The following ANK3 variants were observed in gnomAD, a reference collection of about 807,000 sequenced individuals.
ANK3 encodes the protein ankyrin-3.
A neutral mutation model predicts 370.9 loss-of-function variants in ANK3; 57 were observed. The ratio of observed to expected loss-of-function variants is 0.15; its 90% CI spans 0.12 to 0.19. The LOEUF (loss-of-function observed/expected upper bound fraction) is 0.19. ANK3 is among the 10% of genes least tolerant of loss of function. ANK3 has a pLI of 1.00. For synonymous variants in ANK3, 1,929 were observed against 1,946.3 expected (o/e 0.99, Z 0.23); for missense variants, 4,439 against 5,302.1 (o/e 0.84, Z 5.06).
intron 2 of ANK3, among the ~76,000 whole-genome samples, chr10:60,529,938 C>T (rs1234279892): frequency 1.3e-5 from 2 of 152,162 alleles, no homozygotes; most frequent in African/African-American, 4.8e-5. Flanking sequence ...GGAGGGAATT[C>T]TCAAAAGGCA....
intron 1 of ANK3, among the ~76,000 whole-genome samples, chr10:60,643,430 C>G (rs1373471974): frequency 6.6e-6 from 1 of 152,104 alleles, no homozygotes; most frequent in Non-Finnish European, 1.5e-5. Flanking sequence ...CTACTTGCTC[C>G]ACAAGCTTGC....
chr10:60,163,419 T>C (rs2095546098), intron 23 of ANK3, among the ~76,000 whole-genome samples: 1 of 152,194 alleles, frequency 6.6e-6, no homozygotes, highest in South Asian at 2.1e-4. Context: ...CGGCTCTGCT[T>C]TGCTGATGCT....
chr10:60,338,781 TTTCCCCCATAGCGGGAGTTTA>T (rs1453542826), intron 1 of ANK3, among the ~76,000 whole-genome samples: 1 of 152,200 alleles, frequency 6.6e-6, no homozygotes, highest in Non-Finnish European at 1.5e-5. Flanking sequence ...CCTAGAATCT[TTTCCCCCATAGCGGGAGTTTA>T]ATCCCACATC....
At chr10:60,089,434 CCT>C (rs1484670641) in intron 28 of ANK3, among the ~76,000 whole-genome samples, 1 of 150,920 alleles carries the variant, frequency 6.6e-6, no homozygotes, top group African/African-American at 2.4e-5. Context: ...AACCAACTCA[CCT>C]CTCTCACTCC....
intron 1 of ANK3, among the ~76,000 whole-genome samples, chr10:60,723,034 AACT>A (rs912499152): frequency 5.9e-5 from 9 of 152,228 alleles, no homozygotes; most frequent in African/African-American, 2.2e-4. Context: ...TCAATGGAAA[AACT>A]ACTACATTGA....
rs2072466930 is a variant in ANK3 at position 60,027,596 on chromosome 10, C to T, written c.*2250G>A. On this transcript the variant is annotated 3_prime_UTR_variant, in exon 44 of 44. Transcript: ENST00000280772. ...AAGGATCATTACCATCAAAGAAAGACAGTACCTAATTCATAAAGTAGATAT... is the reference window on the plus strand; with the variant it reads ...AAGGATCATTACCATCAAAGAAAGATAGTACCTAATTCATAAAGTAGATAT... The T allele has an allele frequency of 6.6e-6, 1 of 152,082 alleles. No individual in the cohort carries two copies. Among genetic ancestry groups the T allele is most frequent in the African/African-American group, 2.4e-5 (1 of 41,392 alleles). 9.4% of individuals were successfully genotyped at this position (152,082 alleles called of 1,614,324 possible). A position where few individuals can be genotyped will look rare whatever the true frequency, so the allele number is the denominator to read the frequency against.
intron 36 of ANK3, among the ~76,000 whole-genome samples, chr10:60,079,164 G>T: frequency 1.0e-5 from 1 of 98,640 alleles, no homozygotes; most frequent in African/African-American, 4.4e-5. Context: ...AAACCACCTA[G>T]CTACCTAGCT....
chr10:60,523,256 ATACTTT>A (rs2076390764), intron 2 of ANK3, among the ~76,000 whole-genome samples: 2 of 151,916 alleles, frequency 1.3e-5, no homozygotes, highest in Admixed American at 1.3e-4. Flanking sequence ...TATTATTATT[ATACTTT>A]AAGTTTTAGG....
intron 2 of ANK3, among the ~76,000 whole-genome samples, chr10:60,590,500 G>T (rs1165163538): frequency 1.3e-5 from 2 of 152,130 alleles, no homozygotes; most frequent in Non-Finnish European, 2.9e-5. Context: ...ACAAATAATT[G>T]GGAACTGAGT....
At chr10:60,413,870 G>A (rs780807589) in intron 2 of ANK3, among the ~76,000 whole-genome samples, 9 of 152,036 alleles carry the variant, frequency 5.9e-5, no homozygotes, top group Non-Finnish European at 1.3e-4. Flanking sequence ...GGTGGTGCTT[G>A]TTTGCAGTCC....
At chr10:60,043,133 A>G in intron 42 of ANK3, 1 of 1,001,394 alleles carries the variant, frequency 1.0e-6, no homozygotes, top group Non-Finnish European at 1.2e-6. Flanking sequence ...TTAGTTAAGT[A>G]CTAATCCATG....
At chr10:60,716,188 T>TAA (rs11451064) in intron 1 of ANK3, among the ~76,000 whole-genome samples, 12 of 151,556 alleles carry the variant, frequency 7.9e-5, no homozygotes, top group South Asian at 6.3e-4. Context: ...CCAAGAAAGT[T>TAA]AAAAAAAATG....
At chr10:60,109,855 T>C (rs1045834204) in intron 26 of ANK3, among the ~76,000 whole-genome samples, 5 of 152,178 alleles carry the variant, frequency 3.3e-5, no homozygotes, top group Non-Finnish European at 5.9e-5. Flanking sequence ...TAGAAGCATA[T>C]TGGAATCACT....
chr10:60,086,099 C>T (rs945030345), intron 30 of ANK3, among the ~76,000 whole-genome samples: 3 of 152,170 alleles, frequency 2.0e-5, no homozygotes, highest in South Asian at 2.1e-4. Flanking sequence ...AGTTAAAAAT[C>T]GGACTAGGAT....
chr10:60,400,909 A>C (rs1254926193), intron 2 of ANK3, among the ~76,000 whole-genome samples: 1 of 152,140 alleles, frequency 6.6e-6, no homozygotes, highest in Non-Finnish European at 1.5e-5. Flanking sequence ...GTGACTCTGC[A>C]GGCTTTCTAA....
Position 60,055,864 on chromosome 10 carries a change from T to C in ANK3, c.12859A>G (p.Ile4287Val). The change falls in exon 42 of 44, where the codon ATA (isoleucine) becomes GTA (valine). Residue 4287 changes from isoleucine (I) to valine (V), a missense_variant. Ile to Val is a conservative substitution (Grantham distance 29). Around this residue, in one of 13 missense-constraint regions of ANK3, gnomAD observed 242 missense variants for 228.0 expected, o/e 1.06. Transcript: ENST00000280772. Reference protein sequence around the residue: ...QSTKETLKPKIHGSGHVEEPA... With the variant: ...QSTKETLKPKVHGSGHVEEPA... The stretch of plus-strand genomic sequence containing the variant: ...TCTTCAACATGACCAGATCCATGTA[T>C]TTTTGGTTTCAGAGTTTCCTTGGTA... 6.2e-7 allele frequency: 1 copy of C among 1,614,154 alleles called. No individual in the cohort carries two copies. Among genetic ancestry groups the C allele is most frequent in the Non-Finnish European group, 8.5e-7 (1 of 1,180,004 alleles).
chr10:60,150,980 G>A (rs112951555), intron 23 of ANK3, among the ~76,000 whole-genome samples: 9 of 152,230 alleles, frequency 5.9e-5, no homozygotes, highest in African/African-American at 1.2e-4. Flanking sequence ...CTGTGTGAAC[G>A]TGAGCAAATA....
rs1355280309 is a variant in ANK3 at position 60,198,440 on chromosome 10, G to A, written c.1589C>T (p.Thr530Ile). The A allele has an allele frequency of 6.2e-7, 1 of 1,614,220 alleles. No homozygotes were observed. The highest frequency in any genetic ancestry group is 8.5e-7 in the Non-Finnish European group (1 of 1,180,036). ...QQGASPNAAT[T>I]SGYTPLHLSA... is the part of the protein sequence containing the mutation. ...AAGGTGAAGTGGGGTGTACCCAGAAGTTGTGGCTGCATTTGGAGATGCCCC... is the reference window on the plus strand; with the variant it reads ...AAGGTGAAGTGGGGTGTACCCAGAAATTGTGGCTGCATTTGGAGATGCCCC... Residue 530 changes from threonine to isoleucine, a missense_variant, in exon 14 of 44, where the codon ACT (threonine) becomes ATT (isoleucine). Physicochemically the swap from Thr to Ile is moderately conservative, Grantham distance 89. Transcript: ENST00000280772.
intron 2 of ANK3, among the ~76,000 whole-genome samples, chr10:60,410,900 C>A (rs963093982): frequency 1.3e-5 from 2 of 152,040 alleles, no homozygotes; most frequent in Non-Finnish European, 2.9e-5. Context: ...TCTTGAACTC[C>A]CGGCCTCAGG....
Sources: allele counts gnomAD v4.1 joint callset (sites outside exome capture counted in the v4.1 genomes callset), GRCh38; gene constraint gnomAD v4.1.1; regional missense constraint gnomAD v4.1.1; transcripts MANE v1.5; gene names NCBI Gene and HGNC (gene_info 2026-07-23, HGNC 2026-07-21).